The following PTPRD variants were observed in gnomAD, a reference collection of about 807,000 sequenced individuals.
The protein encoded by PTPRD is protein tyrosine phosphatase receptor type D, also known as receptor-type tyrosine-protein phosphatase delta.
In PTPRD, 34 loss-of-function variants were observed where a neutral mutation model predicts 214.5. That is an observed-to-expected ratio of 0.16 (90% CI 0.12 to 0.21). The LOEUF is 0.21. Among genes scored for constraint, PTPRD ranks in the 10% least tolerant of loss-of-function variants. The probability of loss-of-function intolerance (pLI) is 1.00; values close to 1 mark genes in which losing one functional copy is unlikely to be tolerated. For synonymous variants in PTPRD, 1,128 were observed against 845.7 expected (o/e 1.33, Z -5.79); for missense variants, 2,545 against 2,398.7 (o/e 1.06, Z -1.27).
intron 11 of PTPRD, among the ~76,000 whole-genome samples, chr9:8,937,691 G>A (rs1297768982): frequency 6.6e-6 from 1 of 152,126 alleles, no homozygotes; most frequent in Non-Finnish European, 1.5e-5. Context: ...ACAAATGCTT[G>A]AACTTTGGAG....
At chr9:8,410,520 T>G (rs1162229104) in intron 35 of PTPRD, among the ~76,000 whole-genome samples, 1 of 152,194 alleles carries the variant, frequency 6.6e-6, no homozygotes, top group Non-Finnish European at 1.5e-5. Context: ...TAAGAGCACC[T>G]CTGATCCAGG....
intron 9 of PTPRD, among the ~76,000 whole-genome samples, chr9:9,345,508 T>C (rs2048452012): frequency 6.6e-6 from 1 of 152,122 alleles, no homozygotes; most frequent in South Asian, 2.1e-4. Flanking sequence ...TAAAATATTT[T>C]TTTTACTTGA....
chr9:8,596,457 C>T (rs550688932), intron 14 of PTPRD, among the ~76,000 whole-genome samples: 2 of 152,028 alleles, frequency 1.3e-5, no homozygotes, highest in South Asian at 4.2e-4. Context: ...GTTCATGGTT[C>T]TATTTATGAA....
rs994110689 is a variant in PTPRD at position 8,782,849 on chromosome 9, C to T, written c.-103-48903G>A. ...GACCTCGTGATCTGCCCTCCTTGGC[C>T]CCCCGCAAAGGGCTGGGATTACAGG... On this transcript the variant is annotated intron_variant, in intron 11 of 45. Coordinates refer to ENST00000381196, the MANE Select transcript of PTPRD (RefSeq NM_002839.4). 4.6e-5 allele frequency among the ~76,000 whole-genome samples: 7 copies of T among 152,016 alleles called. No homozygotes were observed. The East Asian group carries it at 1.4e-3, about 29-fold the overall frequency.
chr9:9,686,767 T>A (rs1203215010), intron 7 of PTPRD, among the ~76,000 whole-genome samples: 1 of 151,786 alleles, frequency 6.6e-6, no homozygotes, highest in Admixed American at 6.6e-5. Flanking sequence ...TGTACATATA[T>A]ACAGTGACTA....
intron 12 of PTPRD, among the ~76,000 whole-genome samples, chr9:8,703,858 A>G (rs1157793648): frequency 2.6e-5 from 4 of 152,280 alleles, no homozygotes; most frequent in East Asian, 3.9e-4. Context: ...ATAAAATTCA[A>G]TATGTCCCAA....
chr9:8,528,539 AT>A (rs1338502174), intron 15 of PTPRD, 51 bp downstream of exon 15: 5 of 1,483,096 alleles, frequency 3.4e-6, no homozygotes, highest in Admixed American at 2.1e-5. Context: ...AGAGAGAAAA[AT>A]TAAAAAAAAA....
intron 10 of PTPRD, among the ~76,000 whole-genome samples, chr9:9,176,624 G>A (rs1207800528): frequency 2.0e-5 from 3 of 152,114 alleles, no homozygotes; most frequent in Admixed American, 2.0e-4. Context: ...TGAGGCCTCT[G>A]CCCTCATGAA....
At chr9:9,077,635 T>C (rs1317088855) in intron 10 of PTPRD, among the ~76,000 whole-genome samples, 1 of 152,068 alleles carries the variant, frequency 6.6e-6, no homozygotes, top group Non-Finnish European at 1.5e-5. Flanking sequence ...TGTGACTAAA[T>C]GTGTATACTT....
intron 44 of PTPRD, among the ~76,000 whole-genome samples, chr9:8,321,380 TCTTA>T (rs1359551503): frequency 6.6e-6 from 1 of 150,692 alleles, no homozygotes; most frequent in Non-Finnish European, 1.5e-5. Flanking sequence ...GGTTTTATCA[TCTTA>T]CTTTAATAAG....
intron 34 of PTPRD, among the ~76,000 whole-genome samples, chr9:8,448,090 T>C (rs1332944033): frequency 6.6e-6 from 1 of 151,980 alleles, no homozygotes; most frequent in African/African-American, 2.4e-5. Context: ...TTTGGGAGGC[T>C]GAGGCAGGTG....
intron 11 of PTPRD, among the ~76,000 whole-genome samples, chr9:8,932,106 C>A (rs1167591344): frequency 6.6e-6 from 1 of 152,060 alleles, no homozygotes; most frequent in Non-Finnish European, 1.5e-5. Flanking sequence ...TTTCAGAAAA[C>A]CCGCTCCTGG....
At chr9:9,441,046 A>C (rs2087494182) in intron 8 of PTPRD, among the ~76,000 whole-genome samples, 1 of 152,330 alleles carries the variant, frequency 6.6e-6, no homozygotes, top group Non-Finnish European at 1.5e-5. Flanking sequence ...TCATTGGGCC[A>C]AAATGGCTGG....
intron 10 of PTPRD, among the ~76,000 whole-genome samples, chr9:9,093,016 A>G (rs1380968075): frequency 6.6e-6 from 1 of 152,082 alleles, no homozygotes; most frequent in Non-Finnish European, 1.5e-5. Flanking sequence ...ACGAAAGAAA[A>G]TGCAAACACC....
chr9:9,840,583 A>G (rs1026464626), intron 5 of PTPRD, among the ~76,000 whole-genome samples: 4 of 151,858 alleles, frequency 2.6e-5, no homozygotes, highest in African/African-American at 9.7e-5. Flanking sequence ...AGAAAAACAA[A>G]ATAGTGAATC....
At chr9:9,555,520 A>G (rs1454118001) in intron 8 of PTPRD, among the ~76,000 whole-genome samples, 2 of 152,102 alleles carry the variant, frequency 1.3e-5, no homozygotes, top group Non-Finnish European at 2.9e-5. Flanking sequence ...ACATGCACAT[A>G]ATTACATGAC....
chr9:10,035,852 G>T (rs1237096872), intron 3 of PTPRD, among the ~76,000 whole-genome samples: 1 of 151,902 alleles, frequency 6.6e-6, no homozygotes, highest in South Asian at 2.1e-4. Context: ...GAAAAGATAA[G>T]TGAGTAAATA....
intron 9 of PTPRD, among the ~76,000 whole-genome samples, chr9:9,303,553 C>T (rs573041456): frequency 6.6e-6 from 1 of 152,102 alleles, no homozygotes; most frequent in South Asian, 2.1e-4. Flanking sequence ...ATGATGAAAG[C>T]CTGCTGTGAT....
intron 12 of PTPRD, chr9:8,713,504 G>C (rs937282985): frequency 3.4e-6 from 4 of 1,167,134 alleles, no homozygotes; most frequent in Non-Finnish European, 3.8e-6. Flanking sequence ...GTCTACTGTG[G>C]TCAGGTGTTT....
Sources: gnomAD v4.1 joint callset for allele counts (sites outside exome capture counted in the v4.1 genomes callset) on GRCh38, gnomAD v4.1.1 for gene constraint, MANE v1.5 for transcripts, NCBI Gene and HGNC (gene_info 2026-07-23, HGNC 2026-07-21) for gene names.